DMXL1: variants seen among roughly 807,000 people sequenced by gnomAD.
The protein encoded by DMXL1 is dmX-like protein 1.
A neutral mutation model predicts 319.2 loss-of-function variants in DMXL1; 99 were observed. The ratio of observed to expected loss-of-function variants is 0.31; its 90% CI spans 0.26 to 0.37. The LOEUF is 0.37. DMXL1 is among the 10% of genes least tolerant of loss of function. The pLI, the probability that DMXL1 is intolerant of heterozygous loss-of-function variation, is 1.00. For missense variants in DMXL1, 3,745 were observed against 3,595.6 expected, an observed-to-expected ratio of 1.04 and a Z score of -1.06; for synonymous variants, 1,385 against 1,235.2, an observed-to-expected ratio of 1.12 and a Z score of -2.54.
intron 40 of DMXL1, 69 bp downstream of exon 40, chr5:119,237,483 T>A (rs1787970522): frequency 1.1e-6 from 1 of 935,996 alleles, no homozygotes; most frequent in Non-Finnish European, 1.7e-6. Context: ...GAATACGTAT[T>A]TGAGACAAGA....
At chr5:119,140,428 T>A (rs2150089385) in intron 13 of DMXL1, among the ~76,000 whole-genome samples, 1 of 152,292 alleles carries the variant, frequency 6.6e-6, no homozygotes, top group Admixed American at 6.5e-5. Flanking sequence ...AAGGGAATGT[T>A]AACCACTGAC....
chr5:119,164,591 A>T lies in DMXL1; in HGVS notation c.4787A>T (p.Asp1596Val). ...LLNMLPAMQK[D>V]DPTWSELRAM... ...AACATGTTGCCAGCCATGCAGAAAGATGATCCCACTTGGTCTGAACTAAGA... is the reference window on the plus strand; with the variant it reads ...AACATGTTGCCAGCCATGCAGAAAGTTGATCCCACTTGGTCTGAACTAAGA... Residue 1596 changes from aspartate (D) to valine (V), a missense_variant, in exon 20 of 44, where the codon GAT becomes GTT. By Grantham distance (152) the Asp-to-Val change is radical (BLOSUM62 -3). Transcript: ENST00000539542. The T allele has an allele frequency of 1.2e-6, 2 of 1,614,202 alleles. No homozygotes were observed. The highest frequency in any genetic ancestry group is 2.2e-5 in the South Asian group (2 of 91,084).
rs141899089 is a variant in DMXL1 at position 119,227,391 on chromosome 5, T to C, written c.8338+2622T>C. ...TCTGCTGGAACATTAATAAGGAATC[T>C]CAGATAAGATTTTTAAAAACCTCTT... is the stretch of plus-strand genomic sequence containing the variant. On this transcript the variant is annotated intron_variant, in intron 38 of 43. Coordinates refer to ENST00000539542, the MANE Select transcript of DMXL1 (RefSeq NM_001290321.3). Among the ~76,000 whole-genome samples, 852 of 152,276 alleles carry C rather than the reference T, an allele frequency of 5.6e-3. 8 individuals carry two copies. Among genetic ancestry groups the C allele is most frequent in the African/African-American group, 0.02 (819 of 41,554 alleles).
rs566101412 is a variant in DMXL1 at position 119,077,198 on chromosome 5, C to T, written c.87+5542C>T. On this transcript the variant is annotated intron_variant, in intron 1 of 43. Transcript: ENST00000539542. Reference sequence around the variant, plus strand: ...TTTGAGGCAGGATCTTGTTATATTGCCCAGACTGGTTTGGAACTCCTGGGC... The same window carrying T: ...TTTGAGGCAGGATCTTGTTATATTGTCCAGACTGGTTTGGAACTCCTGGGC... 2.0e-5 allele frequency among the ~76,000 whole-genome samples: 3 copies of T among 152,164 alleles called. No homozygotes were observed. The South Asian group carries it at 6.2e-4, about 32-fold the overall frequency.
chr5:119,171,028 T>A lies in DMXL1; in HGVS notation c.6237T>A (p.Asp2079Glu), dbSNP rs1482149593. The change falls in exon 24 of 44, where the codon GAT becomes GAA. Residue 2079 changes from aspartate (D) to glutamate (E), a missense_variant. Asp to Glu is a conservative substitution (Grantham distance 45, BLOSUM62 2). Transcript: ENST00000539542. ...AGAGGACTTGTGACTTTTGCTCAGA[T>A]GCTGAAGAACTACAGTCTGCATTTG... ...ALQRTCDFCS[D>E]AEELQSAFGR... is the part of the protein sequence containing the mutation. 6.2e-7 allele frequency: 1 copy of A among 1,613,812 alleles called. No individual in the cohort carries two copies. Among genetic ancestry groups the A allele is most frequent in the Non-Finnish European group, 8.5e-7 (1 of 1,179,906 alleles).
At chr5:119,227,376 C>T (rs1785786875) in intron 38 of DMXL1, among the ~76,000 whole-genome samples, 1 of 152,098 alleles carries the variant, frequency 6.6e-6, no homozygotes, top group Admixed American at 6.6e-5. Flanking sequence ...TCTGCTGGAA[C>T]ATTAATAAGG....
At chr5:119,130,980 C>G (rs1308009553) in intron 10 of DMXL1, among the ~76,000 whole-genome samples, 2 of 151,348 alleles carry the variant, frequency 1.3e-5, no homozygotes, top group African/African-American at 2.4e-5. Context: ...TCCTTATCAA[C>G]ATTGGATGTT....
intron 34 of DMXL1, among the ~76,000 whole-genome samples, 163 bp downstream of exon 34, chr5:119,207,059 A>G (rs1781869013): frequency 6.6e-6 from 1 of 152,330 alleles, no homozygotes; most frequent in East Asian, 1.9e-4. Flanking sequence ...CTGCAGTTGT[A>G]AAAGTGGTTT....
chr5:119,097,665 C>T (rs368249926), intron 1 of DMXL1, among the ~76,000 whole-genome samples: 7 of 151,990 alleles, frequency 4.6e-5, no homozygotes, highest in African/African-American at 1.7e-4. Flanking sequence ...TGGAGTGAGC[C>T]GAGATTGCGC....
intron 1 of DMXL1, among the ~76,000 whole-genome samples, chr5:119,094,932 C>T (rs150624434): frequency 6.6e-6 from 1 of 151,542 alleles, no homozygotes; most frequent in Non-Finnish European, 1.5e-5. Context: ...TGATGCTCAC[C>T]ACAGCCTTGA....
chr5:119,117,589 A>T (rs1761123415), intron 7 of DMXL1, among the ~76,000 whole-genome samples: 2 of 152,184 alleles, frequency 1.3e-5, no homozygotes, highest in Admixed American at 1.3e-4. Flanking sequence ...AGGGAGAGGT[A>T]GGGGACAGAA....
chr5:119,135,998 G>A (rs1765908043), intron 13 of DMXL1, among the ~76,000 whole-genome samples: 1 of 152,210 alleles, frequency 6.6e-6, no homozygotes. Flanking sequence ...AAGAAGACAG[G>A]AAGATGTGGG....
At chr5:119,161,236 C>G (rs926224487) in intron 19 of DMXL1, among the ~76,000 whole-genome samples, 1 of 152,220 alleles carries the variant, frequency 6.6e-6, no homozygotes, top group South Asian at 2.1e-4. Flanking sequence ...TGTTGCTGCT[C>G]TCTAGGTTCT....
At chr5:119,217,812 T>C (rs1783950139) in intron 35 of DMXL1, among the ~76,000 whole-genome samples, 1 of 152,130 alleles carries the variant, frequency 6.6e-6, no homozygotes, top group Non-Finnish European at 1.5e-5. Context: ...CATTTAGTAA[T>C]CCTTTCACCA....
chr5:119,144,836 C>T (rs1416931566), intron 15 of DMXL1, among the ~76,000 whole-genome samples, 198 bp downstream of exon 15: 1 of 151,492 alleles, frequency 6.6e-6, no homozygotes, highest in African/African-American at 2.4e-5. Flanking sequence ...ATTAAAGGGG[C>T]ATCTTGGTTG....
chr5:119,167,679 C>A lies in DMXL1; in HGVS notation c.5213C>A (p.Ser1738Tyr). The change falls in exon 23 of 44, where the codon TCT (serine) becomes TAT (tyrosine). Residue 1738 changes from serine to tyrosine, a missense_variant. This residue lies in a region of DMXL1 where 1,382 missense variants were observed against 1,269.5 expected (regional missense o/e 1.09). Coordinates refer to ENST00000539542, the MANE Select transcript of DMXL1 (RefSeq NM_001290321.3). ...CTCTATGAGTCTGAATTTGATACATCTGCAGCATATAAATCTATTTTACGT... is the reference window on the plus strand; with the variant it reads ...CTCTATGAGTCTGAATTTGATACATATGCAGCATATAAATCTATTTTACGT... ...ARLYESEFDT[S>Y]AAYKSILRKK... The A allele has an allele frequency of 6.2e-7, 1 of 1,613,124 alleles. No homozygotes were observed. Among genetic ancestry groups the A allele is most frequent in the South Asian group, 1.1e-5 (1 of 91,034 alleles).
intron 13 of DMXL1, among the ~76,000 whole-genome samples, chr5:119,141,989 A>G (rs1767477282): frequency 1.3e-5 from 2 of 152,350 alleles, no homozygotes; most frequent in African/African-American, 4.8e-5. Context: ...ATCTTTGACA[A>G]ACCTGACAAA....
rs1193292325 is a variant in DMXL1 at position 119,166,730 on chromosome 5, A to G, written c.5085A>G (p.Glu1695=). ...AFSLLGKQRF[E]HSAAFFLLAG... ...CTTTGCTAGGCAAACAAAGATTTGA[A>G]CATTCTGCAGCATTTTTTCTTTTAG... The change falls in exon 22 of 44, where the codon GAA becomes GAG. Residue 1695 remains glutamate (E), a synonymous_variant. Coordinates refer to ENST00000539542, the MANE Select transcript of DMXL1 (RefSeq NM_001290321.3). The G allele has an allele frequency of 5.6e-6, 9 of 1,612,980 alleles. No homozygotes were observed. The highest frequency in any genetic ancestry group is 7.6e-6 in the Non-Finnish European group (9 of 1,179,612).
chr5:119,104,092 A>G (rs2149810739), intron 3 of DMXL1: 1 of 152,258 alleles, frequency 6.6e-6, no homozygotes, highest in South Asian at 2.1e-4. Flanking sequence ...ATCCTTGTAA[A>G]AATATATTCT....
Sources: gnomAD v4.1 joint callset for allele counts (sites outside exome capture counted in the v4.1 genomes callset) on GRCh38, gnomAD v4.1.1 for gene constraint, gnomAD v4.1.1 regional missense constraint, MANE v1.5 for transcripts, NCBI Gene and HGNC (gene_info 2026-07-23, HGNC 2026-07-21) for gene names.